Variants in NYAP2 observed in about 807,000 individuals in gnomAD.
NYAP2 encodes neuronal tyrosine-phosphorylated phosphoinositide-3-kinase adapter 2.
In NYAP2, 23 loss-of-function variants were observed where a neutral mutation model predicts 50.4. The observed-to-expected ratio is 0.46, with a 90% CI of 0.33 to 0.65. The LOEUF is 0.65. Ranked by LOEUF, NYAP2 falls within the 30% of genes least tolerant of loss-of-function variation. The pLI, the probability that NYAP2 is intolerant of heterozygous loss-of-function variation, is 0.02. For synonymous variants in NYAP2, 394 were observed against 365.2 expected (o/e 1.08, Z -0.90); for missense variants, 885 against 861.0 (o/e 1.03, Z -0.35).
intron 6 of NYAP2, among the ~76,000 whole-genome samples, chr2:225,638,756 C>T (rs1210250382): frequency 6.6e-6 from 1 of 152,156 alleles, no homozygotes; most frequent in Non-Finnish European, 1.5e-5. Flanking sequence ...GACACTAGCC[C>T]GTGCCAGGCC....
intron 4 of NYAP2, among the ~76,000 whole-genome samples, chr2:225,578,709 G>C (rs778432764): frequency 3.1e-4 from 47 of 152,232 alleles, no homozygotes; most frequent in Middle Eastern, 3.4e-3. Context: ...TAAGCGGCTT[G>C]GAAAGAGTTG....
intron 3 of NYAP2, among the ~76,000 whole-genome samples, chr2:225,464,609 T>G (rs116758751): frequency 6.6e-6 from 1 of 152,232 alleles, no homozygotes; most frequent in African/African-American, 2.4e-5. Context: ...GGATCCATGG[T>G]TACCAGAACT....
At chr2:225,460,607 G>T (rs1464037866) in intron 3 of NYAP2, among the ~76,000 whole-genome samples, 2 of 152,150 alleles carry the variant, frequency 1.3e-5, no homozygotes, top group Non-Finnish European at 2.9e-5. Flanking sequence ...GAATTATCTG[G>T]ATATGCTTAC....
the NYAP2 span, among the ~76,000 whole-genome samples, chr2:225,687,292 T>G: frequency 5.5e-4 from 83 of 152,258 alleles, no homozygotes; most frequent in African/African-American, 1.9e-3. Context: ...TGGAACATGG[T>G]TATGTGCAAT....
At chr2:225,575,508 A>T (rs1692155354) in intron 4 of NYAP2, among the ~76,000 whole-genome samples, 1 of 152,232 alleles carries the variant, frequency 6.6e-6, no homozygotes, top group African/African-American at 2.4e-5. Flanking sequence ...GCTCAGGCAG[A>T]TGTGGGGGCC....
chr2:225,618,346 C>T (rs935355948), intron 5 of NYAP2, among the ~76,000 whole-genome samples: 2 of 152,206 alleles, frequency 1.3e-5, no homozygotes, highest in Non-Finnish European at 2.9e-5. Context: ...AGTAGTCCAC[C>T]TGTCCAGGTG....
intron 3 of NYAP2, among the ~76,000 whole-genome samples, chr2:225,466,818 C>T (rs1181300818): frequency 6.6e-6 from 1 of 152,140 alleles, no homozygotes; most frequent in Non-Finnish European, 1.5e-5. Context: ...TACAGGCCTG[C>T]GGCAACCTCA....
chr2:225,467,283 G>A (rs186106403), intron 3 of NYAP2, among the ~76,000 whole-genome samples: 4 of 152,218 alleles, frequency 2.6e-5, no homozygotes, highest in Admixed American at 6.5e-5. Flanking sequence ...CTTCTTATCC[G>A]GAAGCCACTG....
At chr2:225,539,417 C>T (rs1382767316) in intron 4 of NYAP2, among the ~76,000 whole-genome samples, 1 of 152,192 alleles carries the variant, frequency 6.6e-6, no homozygotes, top group Non-Finnish European at 1.5e-5. Context: ...TGAGGAATTG[C>T]CACACTGTCT....
At chr2:225,547,926 T>G (rs1383911222) in intron 4 of NYAP2, among the ~76,000 whole-genome samples, 1 of 152,204 alleles carries the variant, frequency 6.6e-6, no homozygotes, top group Non-Finnish European at 1.5e-5. Flanking sequence ...AAGGTCTTCC[T>G]GTTCTTTATA....
intron 3 of NYAP2, among the ~76,000 whole-genome samples, chr2:225,410,506 T>G (rs1330234413): frequency 6.6e-6 from 1 of 152,074 alleles, no homozygotes; most frequent in African/African-American, 2.4e-5. Flanking sequence ...AATCTGAGTT[T>G]TCTAAAATTC....
chr2:225,609,085 T>C (rs1342878626), intron 5 of NYAP2, among the ~76,000 whole-genome samples: 1 of 152,182 alleles, frequency 6.6e-6, no homozygotes, highest in Non-Finnish European at 1.5e-5. Context: ...ATTCTTTAAT[T>C]GACTCCCAGT....
At position 225,582,461 on chromosome 2, in the gene NYAP2, C is replaced by A. The variant is rs764865524; in HGVS notation, c.1044C>A (p.Pro348=). 16 of 1,562,752 alleles carry A rather than the reference C, an allele frequency of 1.0e-5. No homozygotes were observed. The highest frequency in any genetic ancestry group is 3.4e-4 in the Middle Eastern group (2 of 5,826). The change falls in exon 5 of 7, where the codon CCC becomes CCA. Residue 348 remains proline, a synonymous_variant. Coordinates refer to ENST00000636099, the Ensembl canonical transcript of NYAP2. This position sits in a 1 kb window ranked among gnomAD's most constrained non-coding sequence, Gnocchi z 7.0. Reference sequence around the variant, plus strand: ...CCCCCGCCCCCGTGCATTGCTCCCCCAACTCCGACGAGTCCCCGCTTACCC... The same window carrying A: ...CCCCCGCCCCCGTGCATTGCTCCCCAAACTCCGACGAGTCCCCGCTTACCC...
chr2:225,527,087 G>A (rs944026218), intron 4 of NYAP2, among the ~76,000 whole-genome samples: 1 of 152,128 alleles, frequency 6.6e-6, no homozygotes, highest in Non-Finnish European at 1.5e-5. Flanking sequence ...CATGGTTGTT[G>A]TCCAGTCCAA....
intron 4 of NYAP2, among the ~76,000 whole-genome samples, chr2:225,550,791 A>G (rs1691660327): frequency 6.6e-6 from 1 of 152,206 alleles, no homozygotes. Flanking sequence ...AAAGCCCATC[A>G]GGGCCTTTGA....
chr2:225,441,697 C>T (rs182467975), intron 3 of NYAP2, among the ~76,000 whole-genome samples: 1 of 152,132 alleles, frequency 6.6e-6, no homozygotes, highest in Non-Finnish European at 1.5e-5. Context: ...ATCATGAGAA[C>T]AGCATGAGAG....
chr2:225,522,851 G>A (rs1261665910), intron 4 of NYAP2, among the ~76,000 whole-genome samples: 2 of 152,146 alleles, frequency 1.3e-5, no homozygotes, highest in Non-Finnish European at 2.9e-5. Context: ...ATGTAATCGG[G>A]TGTTTATCTA....
intron 3 of NYAP2, among the ~76,000 whole-genome samples, chr2:225,452,919 T>G (rs1173226761): frequency 6.6e-6 from 1 of 152,186 alleles, no homozygotes; most frequent in Non-Finnish European, 1.5e-5. Flanking sequence ...AAATGCCTGT[T>G]TCAATGGAAT....
intron 4 of NYAP2, among the ~76,000 whole-genome samples, chr2:225,562,684 C>T (rs1046601963): frequency 6.6e-6 from 1 of 152,102 alleles, no homozygotes; most frequent in African/African-American, 2.4e-5. Flanking sequence ...TTACCTCATG[C>T]ACTTGTTCTG....
Sources: gnomAD v4.1 joint callset for allele counts (sites outside exome capture counted in the v4.1 genomes callset) on GRCh38, gnomAD v4.1.1 for gene constraint, Gnocchi (gnomAD v3.1) non-coding constraint, MANE v1.5 for transcripts, NCBI Gene and HGNC (gene_info 2026-07-23, HGNC 2026-07-21) for gene names.